The following CBFA2T2 variants were observed in gnomAD, a reference collection of about 807,000 sequenced individuals.
CBFA2T2 encodes CBFA2/RUNX1 partner transcriptional co-repressor 2.
In CBFA2T2, 11 loss-of-function variants were observed where a neutral mutation model predicts 62.2. The observed-to-expected ratio is 0.18, with a 90% confidence interval of 0.11 to 0.29. CBFA2T2 has a LOEUF of 0.29. CBFA2T2 is among the 10% of genes least tolerant of loss of function. The pLI is 1.00. For synonymous variants in CBFA2T2, 295 were observed against 287.5 expected (o/e 1.03, Z -0.27); for missense variants, 592 against 774.1 (o/e 0.76, Z 2.79).
chr20:33,625,872 G>A (rs532505345), intron 6 of CBFA2T2, among the ~76,000 whole-genome samples: 11 of 152,320 alleles, frequency 7.2e-5, no homozygotes, highest in African/African-American at 2.6e-4. Context: ...GGAGGCTGAG[G>A]TGGGTGGATC....
At chr20:33,530,670 C>T (rs1243553379) in intron 1 of CBFA2T2, among the ~76,000 whole-genome samples, 1 of 152,016 alleles carries the variant, frequency 6.6e-6, no homozygotes, top group African/African-American at 2.4e-5. Flanking sequence ...ACCTCCACCT[C>T]CCAAAGTGCT....
intron 10 of CBFA2T2, among the ~76,000 whole-genome samples, chr20:33,642,111 TTTTTTTGTGTGTG>T (rs773514088): frequency 1.8e-5 from 1 of 56,466 alleles, no homozygotes; most frequent in Non-Finnish European, 2.8e-5. Flanking sequence ...TTGTCTTTTT[TTTTTTTGTGTGTG>T]TGTGTGTGTG....
At position 33,535,936 on chromosome 20, in the gene CBFA2T2, T is replaced by C. The variant is rs534926449; in HGVS notation, c.34+45635T>C. On this transcript the variant is annotated intron_variant, in intron 1 of 10. Transcript: ENST00000342704. Reference sequence around the variant, plus strand: ...CACATCTTGCACCGCCCTTAATCCATTTAAGCCTGAGTGGACACAGCACAT... The same window carrying C: ...CACATCTTGCACCGCCCTTAATCCACTTAAGCCTGAGTGGACACAGCACAT... 3.5e-4 allele frequency among the ~76,000 whole-genome samples: 53 copies of C among 152,320 alleles called. 1 individual carries two copies. The highest frequency in any genetic ancestry group is 1.3e-3 in the African/African-American group (52 of 41,574).
chr20:33,501,210 A>T (rs2011273641), intron 1 of CBFA2T2, among the ~76,000 whole-genome samples: 1 of 152,146 alleles, frequency 6.6e-6, no homozygotes, highest in South Asian at 2.1e-4. Flanking sequence ...ATGTAATGTG[A>T]CCTCTGTAGC....
chr20:33,544,625 G>A (rs1339609617), intron 1 of CBFA2T2, among the ~76,000 whole-genome samples: 1 of 152,016 alleles, frequency 6.6e-6, no homozygotes, highest in African/African-American at 2.4e-5. Flanking sequence ...TCGGCTCACT[G>A]TAACCTCCAC....
intron 1 of CBFA2T2, among the ~76,000 whole-genome samples, chr20:33,550,360 A>G (rs1312447631): frequency 6.6e-6 from 1 of 152,186 alleles, no homozygotes; most frequent in Non-Finnish European, 1.5e-5. Context: ...AATTTAATTC[A>G]CCCTTTCAGA....
At chr20:33,584,315 G>T (rs1427721925) in intron 1 of CBFA2T2, among the ~76,000 whole-genome samples, 1 of 149,330 alleles carries the variant, frequency 6.7e-6, no homozygotes, top group Non-Finnish European at 1.5e-5. Flanking sequence ...GCCCAGGCTG[G>T]AATACAGTGA....
chr20:33,570,926 T>G (rs2013536336), intron 1 of CBFA2T2, among the ~76,000 whole-genome samples: 1 of 152,320 alleles, frequency 6.6e-6, no homozygotes, highest in Non-Finnish European at 1.5e-5. Flanking sequence ...TCTCCCCAAG[T>G]AGAGAAGCAT....
intron 1 of CBFA2T2, among the ~76,000 whole-genome samples, chr20:33,593,640 G>A (rs1424801729): frequency 1.3e-5 from 2 of 152,094 alleles, no homozygotes; most frequent in Non-Finnish European, 2.9e-5. Flanking sequence ...TGATCTGCCT[G>A]CCTCCGCCTC....
At chr20:33,515,884 G>A (rs973174652) in intron 1 of CBFA2T2, among the ~76,000 whole-genome samples, 13 of 151,232 alleles carry the variant, frequency 8.6e-5, no homozygotes, top group Non-Finnish European at 1.5e-4. Context: ...TTACAGTGTC[G>A]AGAAGGCTCA....
intron 8 of CBFA2T2, among the ~76,000 whole-genome samples, chr20:33,635,369 C>T (rs2016597935): frequency 6.6e-6 from 1 of 152,130 alleles, no homozygotes; most frequent in Non-Finnish European, 1.5e-5. Flanking sequence ...ACACTGAATT[C>T]CTGAAAGAGG....
At chr20:33,494,011 G>A (rs1361734846) in intron 1 of CBFA2T2, among the ~76,000 whole-genome samples, 2 of 150,948 alleles carry the variant, frequency 1.3e-5, no homozygotes, top group African/African-American at 4.9e-5. Flanking sequence ...AGCCTCCCAA[G>A]TACTGGGATT....
At chr20:33,551,472 TC>T (rs1378321269) in intron 1 of CBFA2T2, among the ~76,000 whole-genome samples, 1 of 152,106 alleles carries the variant, frequency 6.6e-6, no homozygotes, top group East Asian at 1.9e-4. Context: ...TGCCTTGGCC[TC>T]CCAAAGTGCT....
intron 1 of CBFA2T2, among the ~76,000 whole-genome samples, chr20:33,572,703 G>T (rs760688475): frequency 2.0e-5 from 3 of 152,164 alleles, no homozygotes; most frequent in African/African-American, 7.2e-5. Context: ...AAGAGAAGAG[G>T]GTAGAGAGAC....
chr20:33,591,943 T>C (rs532802341), intron 1 of CBFA2T2, among the ~76,000 whole-genome samples: 2 of 152,252 alleles, frequency 1.3e-5, no homozygotes, highest in Admixed American at 6.5e-5. Context: ...TCTCTAGATA[T>C]ATTTAAATCT....
At chr20:33,505,627 C>T (rs1410329148) in intron 1 of CBFA2T2, among the ~76,000 whole-genome samples, 1 of 151,952 alleles carries the variant, frequency 6.6e-6, no homozygotes, top group Admixed American at 6.6e-5. Context: ...GCTGAAAATA[C>T]AAAATTAGCC....
chr20:33,634,758 A>G (rs1308766116), intron 8 of CBFA2T2, among the ~76,000 whole-genome samples: 1 of 151,486 alleles, frequency 6.6e-6, no homozygotes, highest in African/African-American at 2.4e-5. Flanking sequence ...AACTGCCTCT[A>G]GTTAAGTCCA....
intron 5 of CBFA2T2, chr20:33,624,011 A>C: frequency 1.8e-6 from 1 of 562,720 alleles, no homozygotes; most frequent in Non-Finnish European, 3.1e-6. Context: ...ACAATCTGCC[A>C]AATGCCTTTT....
rs149645370 is a variant in CBFA2T2 at position 33,588,899 on chromosome 20, G to A, written c.35-18057G>A. Among the ~76,000 whole-genome samples the A allele has an allele frequency of 3.4e-3, 516 of 151,998 alleles. 1 individual carries two copies. Among genetic ancestry groups the A allele is most frequent in the South Asian group, 9.2e-3 (44 of 4,808 alleles). On this transcript the variant is annotated intron_variant, in intron 1 of 10. Transcript: ENST00000342704. ...AGAGGTTGCAGTGAGCCATGATCGC[G>A]CCACTGCACTCCAGCCTGGAGGACA...
Sources: gnomAD v4.1 joint callset for allele counts (sites outside exome capture counted in the v4.1 genomes callset) on GRCh38, gnomAD v4.1.1 for gene constraint, MANE v1.5 for transcripts, NCBI Gene and HGNC (gene_info 2026-07-23, HGNC 2026-07-21) for gene names.